The following USP14 variants were observed in gnomAD, a reference collection of about 807,000 sequenced individuals.
USP14 encodes the protein ubiquitin carboxyl-terminal hydrolase 14.
USP14 carries 38 observed loss-of-function variants against 76.5 expected under a neutral mutation model. The observed-to-expected ratio is 0.50, with a 90% CI of 0.38 to 0.65. The LOEUF (loss-of-function observed/expected upper bound fraction) is 0.65. USP14 is among the 30% of genes least tolerant of loss of function. The pLI is 0.00. For synonymous variants in USP14, 192 were observed against 191.7 expected, an observed-to-expected ratio of 1.00 and a Z score of -0.01; for missense variants, 467 against 586.5, an observed-to-expected ratio of 0.80 and a Z score of 2.10.
chr18:166,489 T>C (rs1224826121), intron 2 of USP14, among the ~76,000 whole-genome samples: 1 of 152,122 alleles, frequency 6.6e-6, no homozygotes, highest in Non-Finnish European at 1.5e-5. Context: ...TGCACCACCA[T>C]GCTCAGCTAC....
At chr18:160,288 A>T (rs575715849) in intron 1 of USP14, among the ~76,000 whole-genome samples, 1 of 152,178 alleles carries the variant, frequency 6.6e-6, no homozygotes, top group African/African-American at 2.4e-5. Flanking sequence ...TGGGTGAAAA[A>T]AGCGAAACTG....
intron 10 of USP14, among the ~76,000 whole-genome samples, chr18:202,668 T>C (rs1910414572): frequency 6.6e-6 from 1 of 152,140 alleles, no homozygotes; most frequent in South Asian, 2.1e-4. Context: ...CACAACAACG[T>C]AAATTATTTG....
Position 214,517 on chromosome 18 carries a change from C to T in USP14, c.*3233C>T, listed in dbSNP as rs1910790761. 1 of 831,952 alleles carries T rather than the reference C, an allele frequency of 1.2e-6. No individual in the cohort carries two copies. Among genetic ancestry groups the T allele is most frequent in the Middle Eastern group, 3.4e-4 (1 of 2,904 alleles). 51.5% of individuals were successfully genotyped at this position (831,952 alleles called of 1,614,324 possible). A position where few individuals can be genotyped will look rare whatever the true frequency, so the allele number is the denominator to read the frequency against. ...CTCAGAGCACCAGCCGACTGTACAA[C>T]AATTGTTATAAAAATGTTTATTGTT... On this transcript the variant is annotated 3_prime_UTR_variant, in exon 16 of 16. Coordinates refer to ENST00000261601, the MANE Select transcript of USP14 (RefSeq NM_005151.4).
intron 5 of USP14, 38 bp from the exon 6 acceptor site, chr18:192,804 T>C (rs1319546458): frequency 1.2e-6 from 2 of 1,600,940 alleles, no homozygotes; most frequent in East Asian, 4.5e-5. Context: ...TTAGAATGAA[T>C]TGAATTCTAT....
chr18:178,434 A>T (rs968783328), intron 3 of USP14, among the ~76,000 whole-genome samples: 1 of 152,178 alleles, frequency 6.6e-6, no homozygotes, highest in Non-Finnish European at 1.5e-5. Flanking sequence ...TTTTATGGCA[A>T]TACTTATTTT....
chr18:199,547 T>TA (rs201009137), intron 10 of USP14, among the ~76,000 whole-genome samples: 53 of 151,968 alleles, frequency 3.5e-4, no homozygotes, highest in African/African-American at 1.2e-3. Context: ...ACTGTTGTTT[T>TA]AAAAAAAAAT....
intron 2 of USP14, 146 bp from the exon 3 acceptor site, chr18:166,639 AAT>A (rs1909279665): frequency 3.3e-5 from 33 of 993,220 alleles, no homozygotes; most frequent in Non-Finnish European, 3.9e-5. Flanking sequence ...GGCCAAAAAA[AAT>A]TTTTTTAATT....
intron 5 of USP14, among the ~76,000 whole-genome samples, chr18:181,770 T>C (rs1909795149): frequency 6.6e-6 from 1 of 152,224 alleles, no homozygotes; most frequent in African/African-American, 2.4e-5. Context: ...TTATCACATA[T>C]GCTTTTGGTT....
chr18:207,904 A>T (rs1389285850), intron 13 of USP14, among the ~76,000 whole-genome samples: 1 of 152,134 alleles, frequency 6.6e-6, no homozygotes, highest in Non-Finnish European at 1.5e-5. Context: ...AGCATATAGA[A>T]ATAAAATTAA....
intron 3 of USP14, among the ~76,000 whole-genome samples, chr18:174,993 C>T (rs926566747): frequency 6.6e-6 from 1 of 152,008 alleles, no homozygotes; most frequent in East Asian, 1.9e-4. Context: ...CCAGGCTGTT[C>T]TCGAACTGGT....
Position 166,788 on chromosome 18 carries a change from A to T in USP14, c.164A>T (p.Asp55Val), listed in dbSNP as rs750152031. 6.2e-7 allele frequency: 1 copy of T among 1,612,174 alleles called. No homozygotes were observed. ...KVMVKGGTLK[D>V]DDWGNIKIKN... is the part of the protein sequence containing the mutation. ...GTCTTTTGTTTGTCTTTGAAACAGG[A>T]TGATGATTGGGGAAACATCAAAATA... Residue 55 changes from aspartate (D) to valine (V), a missense_variant and splice_region_variant, in exon 3 of 16, where the codon GAT becomes GTT. Physicochemically the swap from Asp to Val is radical, Grantham distance 152. Transcript: ENST00000261601.
intron 2 of USP14, among the ~76,000 whole-genome samples, chr18:165,814 T>G (rs1474304539): frequency 6.6e-6 from 1 of 152,162 alleles, no homozygotes; most frequent in East Asian, 1.9e-4. Context: ...GAGAAGGGCC[T>G]TTAGGAAGTT....
At chr18:173,433 C>T (rs547768002) in intron 3 of USP14, among the ~76,000 whole-genome samples, 6 of 146,890 alleles carry the variant, frequency 4.1e-5, no homozygotes, top group South Asian at 4.4e-4. Context: ...TTTTTTGAGA[C>T]GGAGTTCCGT....
chr18:199,037 A>G (rs1457597559), intron 9 of USP14, among the ~76,000 whole-genome samples, 165 bp from the exon 10 acceptor site: 1 of 152,230 alleles, frequency 6.6e-6, no homozygotes, highest in Admixed American at 6.5e-5. Context: ...TGGTAGCCAA[A>G]TGAACATTCT....
Position 197,675 on chromosome 18 carries a change from A to G in USP14, c.654A>G (p.Ile218Met). The change falls in exon 8 of 16, where the codon ATA (isoleucine) becomes ATG (methionine). Residue 218 changes from isoleucine to methionine, a missense_variant. Ile to Met is a conservative substitution (Grantham distance 10, BLOSUM62 1). Transcript: ENST00000261601. ...MRVLQQKLEA[I>M]EDDSVKETDS... Reference sequence around the variant, plus strand: ...TATTGCAACAGAAATTGGAAGCAATAGAGGATGATTCTGTTAAAGAGGTAA... The same window carrying G: ...TATTGCAACAGAAATTGGAAGCAATGGAGGATGATTCTGTTAAAGAGGTAA... 1.2e-6 allele frequency: 2 copies of G among 1,612,458 alleles called. No individual in the cohort carries two copies. The highest frequency in any genetic ancestry group is 8.5e-7 in the Non-Finnish European group (1 of 1,179,064).
At position 176,238 on chromosome 18, in the gene USP14, T is replaced by A. The variant is rs190315583; in HGVS notation, c.196-2695T>A. Among the ~76,000 whole-genome samples the A allele has an allele frequency of 2.5e-3, 380 of 152,270 alleles. 4 individuals are homozygous for A. Among genetic ancestry groups the A allele is most frequent in the African/African-American group, 8.3e-3 (347 of 41,562 alleles). On this transcript the variant is annotated intron_variant, in intron 3 of 15. Transcript: ENST00000261601. ...GCTTTCTTTCTTTCTACTTCGGTTT[T>A]AAATTTTTTAAAATTTTGAAAATTT...
rs368077279 is a variant in USP14, at chr18:163,305, C to T, written c.17-3C>T. The T allele has an allele frequency of 2.4e-4, 391 of 1,600,834 alleles. No homozygotes were observed. In the African/African-American group the frequency reaches 4.7e-3, roughly 19 times the overall value. Reference sequence around the variant, plus strand: ...ATTAAAAAAATTGTGATTTTGTTTGCAGTTACTGTAAAATGGGGAAAGGAG... The same window carrying T: ...ATTAAAAAAATTGTGATTTTGTTTGTAGTTACTGTAAAATGGGGAAAGGAG... On this transcript the variant is annotated splice_polypyrimidine_tract_variant and splice_region_variant and intron_variant, in intron 1 of 15. Transcript: ENST00000261601.
rs1393298356 is a variant in USP14, at chr18:210,378, T to C, written c.1226-8T>C. 6.3e-7 allele frequency: 1 copy of C among 1,577,966 alleles called. No individual in the cohort carries two copies. The highest frequency in any genetic ancestry group is 1.2e-5 in the South Asian group (1 of 86,220). ...GTCTAATATTAATGGATTTACATCT[T>C]TCTTTAGATATTGGCTCCAATAATT... is the stretch of plus-strand genomic sequence containing the variant. On this transcript the variant is annotated splice_region_variant and splice_polypyrimidine_tract_variant and intron_variant, in intron 14 of 15. Coordinates refer to ENST00000261601, the MANE Select transcript of USP14 (RefSeq NM_005151.4).
At chr18:188,535 G>A (rs1909997755) in intron 5 of USP14, among the ~76,000 whole-genome samples, 1 of 146,780 alleles carries the variant, frequency 6.8e-6, no homozygotes, top group Non-Finnish European at 1.5e-5. Flanking sequence ...TCCTTTGTGA[G>A]GGTTTGGTGT....
Sources: gnomAD v4.1 joint callset for allele counts (sites outside exome capture counted in the v4.1 genomes callset) on GRCh38, gnomAD v4.1.1 for gene constraint, MANE v1.5 for transcripts, NCBI Gene and HGNC (gene_info 2026-07-23, HGNC 2026-07-21) for gene names.